The following FERRY3 variants were observed in gnomAD, a reference collection of about 807,000 sequenced individuals.
FERRY3 encodes FERRY endosomal RAB5 effector complex subunit 3.
chr12:4,530,971 A>T, the FERRY3 span, among the ~76,000 whole-genome samples: 2 of 146,100 alleles, frequency 1.4e-5, no homozygotes, highest in African/African-American at 5.0e-5. Context: ...AGATACCTGT[A>T]AAAAAAAAAA....
chr12:4,534,083 T>C, the FERRY3 span: 1 of 1,436,128 alleles, frequency 7.0e-7, no homozygotes, highest in Non-Finnish European at 9.3e-7. Context: ...ATTTCAGGAT[T>C]ACCACAGCAT....
chr12:4,491,446 C>A, the FERRY3 span, among the ~76,000 whole-genome samples: 1 of 151,950 alleles, frequency 6.6e-6, no homozygotes, highest in African/African-American at 2.4e-5. Context: ...ATTTAGTTAG[C>A]CCCCTAAATA....
At chr12:4,494,830 T>C in the FERRY3 span, among the ~76,000 whole-genome samples, 1 of 152,246 alleles carries the variant, frequency 6.6e-6, no homozygotes, top group African/African-American at 2.4e-5. Flanking sequence ...ATATACATTT[T>C]AGAATTAGCT....
At chr12:4,538,069 C>A in the FERRY3 span, among the ~76,000 whole-genome samples, 1 of 152,004 alleles carries the variant, frequency 6.6e-6, no homozygotes, top group Admixed American at 6.5e-5. Context: ...AAAGAGAAGG[C>A]AGACACAAAA....
the FERRY3 span, chr12:4,502,265 G>T: frequency 8.3e-6 from 3 of 360,918 alleles, no homozygotes; most frequent in African/African-American, 6.5e-5. This position sits in a 1 kb window ranked among gnomAD's most constrained non-coding sequence, Gnocchi z 4.2. Context: ...TAATTATAGG[G>T]ATTTTATTTT....
chr12:4,513,286 G>T, the FERRY3 span, among the ~76,000 whole-genome samples: 564 of 150,620 alleles, frequency 3.7e-3, 5 homozygotes, highest in African/African-American at 0.013. Context: ...TGGGTAGGAA[G>T]AATCAATATC....
At chr12:4,489,301 C>T in the FERRY3 span, 4 of 152,792 alleles carry the variant, frequency 2.6e-5, no homozygotes, top group Middle Eastern at 3.4e-3. Context: ...AGAACAAGCA[C>T]ATTTGTCTTA....
chr12:4,510,446 G>T, the FERRY3 span, among the ~76,000 whole-genome samples: 1 of 122,350 alleles, frequency 8.2e-6, no homozygotes, highest in Admixed American at 8.4e-5. Flanking sequence ...ATAATTGTCA[G>T]ATTCACCAAA....
At chr12:4,520,479 G>A in the FERRY3 span, among the ~76,000 whole-genome samples, 6 of 152,200 alleles carry the variant, frequency 3.9e-5, no homozygotes, top group African/African-American at 1.4e-4. Flanking sequence ...TGCAGCTCTG[G>A]CATGCGAAGG....
the FERRY3 span, among the ~76,000 whole-genome samples, chr12:4,518,569 T>G: frequency 1.3e-5 from 2 of 152,150 alleles, no homozygotes; most frequent in Non-Finnish European, 2.9e-5. Flanking sequence ...ATAAAAAAAG[T>G]TGCAGCGGTC....
the FERRY3 span, among the ~76,000 whole-genome samples, chr12:4,513,527 T>C: frequency 2.8e-3 from 425 of 150,826 alleles, 1 homozygote; most frequent in Non-Finnish European, 4.9e-3. Flanking sequence ...AACAGCATGG[T>C]ACTGGTACCA....
chr12:4,509,136 C>T, the FERRY3 span: 4 of 150,414 alleles, frequency 2.7e-5, no homozygotes, highest in South Asian at 2.1e-4. Context: ...AAAGGGGTGA[C>T]GGACGCACCT....
chr12:4,490,441 T>C, the FERRY3 span: 4 of 1,139,736 alleles, frequency 3.5e-6, no homozygotes, highest in Non-Finnish European at 4.9e-6. Flanking sequence ...TTTGGGATTT[T>C]AGGGCAGGAT....
chr12:4,516,990 G>C, the FERRY3 span: 1 of 1,201,714 alleles, frequency 8.3e-7, no homozygotes, highest in Non-Finnish European at 1.1e-6. Flanking sequence ...TTTTCTATAT[G>C]ATCTTAATAC....
the FERRY3 span, chr12:4,490,527 GTACTAGAAATTGCA>G: frequency 6.2e-7 from 1 of 1,601,126 alleles, no homozygotes; most frequent in Non-Finnish European, 8.5e-7. Flanking sequence ...CATACCTGTG[GTACTAGAAATTGCA>G]CTGTCCTAGA....
chr12:4,525,702 T>A, the FERRY3 span: 98 of 701,820 alleles, frequency 1.4e-4, no homozygotes, highest in African/African-American at 1.7e-3. Context: ...TAGAAATGTG[T>A]CCAGGAATGA....
At chr12:4,531,717 C>T in the FERRY3 span, among the ~76,000 whole-genome samples, 1 of 152,212 alleles carries the variant, frequency 6.6e-6, no homozygotes, top group Admixed American at 6.5e-5. Flanking sequence ...ATTCAGCACC[C>T]CTTATCTTTC....
chr12:4,496,195 T>C, the FERRY3 span, among the ~76,000 whole-genome samples: 4 of 152,146 alleles, frequency 2.6e-5, no homozygotes, highest in Non-Finnish European at 5.9e-5. Flanking sequence ...TTGTCTCTGA[T>C]TAAAACCAGC....
chr12:4,512,699 G>A, the FERRY3 span, among the ~76,000 whole-genome samples: 1 of 139,108 alleles, frequency 7.2e-6, no homozygotes, highest in Admixed American at 7.3e-5. Flanking sequence ...AACCCTTCAT[G>A]CTAAAAACTC....
Sources: allele counts gnomAD v4.1 joint callset (sites outside exome capture counted in the v4.1 genomes callset), GRCh38; gene constraint gnomAD v4.1.1; non-coding constraint Gnocchi (gnomAD v3.1); transcripts MANE v1.5; gene names NCBI Gene and HGNC (gene_info 2026-07-23, HGNC 2026-07-21).